Variants in RCSD1 observed in about 807,000 individuals in gnomAD.
RCSD1 encodes RCSD domain containing 1.
RCSD1 carries 26 observed loss-of-function variants against 42.5 expected under a neutral mutation model. That is an observed-to-expected ratio of 0.61 (90% confidence interval 0.45 to 0.85). RCSD1 has a LOEUF of 0.85. RCSD1 is among the 40% of genes least tolerant of loss of function. The pLI, the probability that RCSD1 is intolerant of heterozygous loss-of-function variation, is 0.00. For synonymous variants in RCSD1, 220 were observed against 212.2 expected (o/e 1.04, Z -0.32); for missense variants, 571 against 528.3 (o/e 1.08, Z -0.79).
At chr1:167,631,683 C>T (rs1215618568) in intron 1 of RCSD1, among the ~76,000 whole-genome samples, 1 of 152,182 alleles carries the variant, frequency 6.6e-6, no homozygotes, top group Non-Finnish European at 1.5e-5. Context: ...CAAGTTCTCA[C>T]TATATTACCC....
At chr1:167,655,806 G>T (rs1658413010) in intron 1 of RCSD1, among the ~76,000 whole-genome samples, 2 of 152,166 alleles carry the variant, frequency 1.3e-5, no homozygotes, top group South Asian at 2.1e-4. Flanking sequence ...CCCAACCAGA[G>T]ATGACAGCCC....
chr1:167,699,050 G>A (rs939697062), intron 6 of RCSD1, among the ~76,000 whole-genome samples: 2 of 151,772 alleles, frequency 1.3e-5, no homozygotes, highest in African/African-American at 2.4e-5. Context: ...CACCTGCCTC[G>A]GCCTCCCAAA....
At chr1:167,702,577 A>C (rs935311745) in intron 6 of RCSD1, among the ~76,000 whole-genome samples, 10 of 152,152 alleles carry the variant, frequency 6.6e-5, no homozygotes, top group African/African-American at 2.4e-4. Flanking sequence ...TCAGGAGTTC[A>C]AGATCAGCCT....
chr1:167,651,337 C>A (rs1223511937), intron 1 of RCSD1, among the ~76,000 whole-genome samples: 1 of 152,198 alleles, frequency 6.6e-6, no homozygotes, highest in East Asian at 1.9e-4. Context: ...GCTCTGAACA[C>A]CCGATCTGTA....
intron 1 of RCSD1, among the ~76,000 whole-genome samples, chr1:167,642,209 G>T (rs1275531002): frequency 6.6e-6 from 1 of 152,160 alleles, no homozygotes; most frequent in Admixed American, 6.6e-5. Flanking sequence ...CACAAACATT[G>T]TTAGTGGCCT....
chr1:167,648,056 C>T (rs954120295), intron 1 of RCSD1, among the ~76,000 whole-genome samples: 2 of 152,252 alleles, frequency 1.3e-5, no homozygotes, highest in Admixed American at 1.3e-4. Flanking sequence ...TAGCCAAATG[C>T]ATAATTCTTA....
chr1:167,657,985 T>A (rs901777380), intron 1 of RCSD1, among the ~76,000 whole-genome samples: 1 of 152,016 alleles, frequency 6.6e-6, no homozygotes, highest in Admixed American at 6.6e-5. Flanking sequence ...TGGAGTGCAG[T>A]GGTGCGATCC....
At chr1:167,700,833 G>A (rs1392701398) in intron 6 of RCSD1, among the ~76,000 whole-genome samples, 1 of 152,164 alleles carries the variant, frequency 6.6e-6, no homozygotes, top group Non-Finnish European at 1.5e-5. Flanking sequence ...CCTGCCAGTG[G>A]TTGCTACATC....
intron 1 of RCSD1, among the ~76,000 whole-genome samples, chr1:167,681,937 G>T (rs1405012422): frequency 2.6e-5 from 4 of 152,182 alleles, no homozygotes; most frequent in Admixed American, 2.6e-4. Context: ...TCAGGGTGGG[G>T]CCTCGCACTC....
At chr1:167,654,840 A>G (rs1439264733) in intron 1 of RCSD1, among the ~76,000 whole-genome samples, 2 of 151,992 alleles carry the variant, frequency 1.3e-5, no homozygotes, top group Non-Finnish European at 2.9e-5. Context: ...CTAGACCAGA[A>G]ATATATATAT....
intron 1 of RCSD1, among the ~76,000 whole-genome samples, chr1:167,653,254 T>C (rs1341481148): frequency 6.6e-6 from 1 of 152,264 alleles, no homozygotes; most frequent in Non-Finnish European, 1.5e-5. Flanking sequence ...TTATCTCCTT[T>C]AGTTGCTTTC....
At chr1:167,684,523 T>C (rs1659174341) in intron 2 of RCSD1, among the ~76,000 whole-genome samples, 1 of 149,736 alleles carries the variant, frequency 6.7e-6, no homozygotes, top group Non-Finnish European at 1.5e-5. Flanking sequence ...GGGTCTTAAC[T>C]TTGGAGAGAT....
intron 4 of RCSD1, among the ~76,000 whole-genome samples, chr1:167,690,703 A>C (rs1659355756): frequency 6.6e-6 from 1 of 152,146 alleles, no homozygotes; most frequent in African/African-American, 2.4e-5. Context: ...AAAGAGTCTT[A>C]CGGGAAAGGA....
At chr1:167,636,611 C>T (rs762680507) in intron 1 of RCSD1, among the ~76,000 whole-genome samples, 23 of 151,706 alleles carry the variant, frequency 1.5e-4, no homozygotes, top group Non-Finnish European at 2.6e-4. Context: ...TGTTTTTAGA[C>T]GGAGTTTTGC....
intron 1 of RCSD1, among the ~76,000 whole-genome samples, chr1:167,636,353 G>T (rs893072892): frequency 2.6e-5 from 4 of 152,182 alleles, no homozygotes; most frequent in Non-Finnish European, 4.4e-5. Context: ...AGCTAGAGCA[G>T]TCAGGTGGGG....
At chr1:167,642,078 C>G (rs747241583) in intron 1 of RCSD1, 1 of 152,182 alleles carries the variant, frequency 6.6e-6, no homozygotes, top group African/African-American at 2.4e-5. Context: ...GGAAGACTCA[C>G]GCTGGCCATT....
intron 1 of RCSD1, among the ~76,000 whole-genome samples, chr1:167,642,902 AG>A (rs1490955635): frequency 6.6e-6 from 1 of 152,224 alleles, no homozygotes; most frequent in African/African-American, 2.4e-5. Context: ...TAGAATTTGA[AG>A]AAATGGTAGC....
intron 3 of RCSD1, among the ~76,000 whole-genome samples, chr1:167,688,373 AT>A (rs1659288972): frequency 6.6e-6 from 1 of 152,080 alleles, no homozygotes; most frequent in African/African-American, 2.4e-5. Flanking sequence ...CCCGTGTGAA[AT>A]TTCCCTGTAA....
At chr1:167,672,878 C>A (rs983992119) in intron 1 of RCSD1, among the ~76,000 whole-genome samples, 8 of 152,116 alleles carry the variant, frequency 5.3e-5, no homozygotes. Flanking sequence ...GAGGTATAGA[C>A]CATGCTCATC....
Sources: gnomAD v4.1 joint callset for allele counts (sites outside exome capture counted in the v4.1 genomes callset) on GRCh38, gnomAD v4.1.1 for gene constraint, MANE v1.5 for transcripts, NCBI Gene and HGNC (gene_info 2026-07-23, HGNC 2026-07-21) for gene names.